The following ASAP1 variants were observed in gnomAD, a reference collection of about 807,000 sequenced individuals.
ASAP1 encodes the protein arf-GAP with SH3 domain, ANK repeat and PH domain-containing protein 1.
A neutral mutation model predicts 145.2 loss-of-function variants in ASAP1; 43 were observed. That is an observed-to-expected ratio of 0.30 (90% CI 0.23 to 0.38). The LOEUF is 0.38. ASAP1 is among the 10% of genes least tolerant of loss of function. The pLI, the probability that ASAP1 is intolerant of heterozygous loss-of-function variation, is 1.00. For missense variants in ASAP1, 1,018 were observed against 1,355.3 expected (o/e 0.75, Z 3.91); for synonymous variants, 546 against 515.5 (o/e 1.06, Z -0.80).
intron 3 of ASAP1, among the ~76,000 whole-genome samples, chr8:130,283,504 C>T (rs1821381567): frequency 6.8e-6 from 1 of 146,788 alleles, no homozygotes. Flanking sequence ...CACTTGAACC[C>T]AGGAGGCAGA....
chr8:130,180,382 C>T (rs1253046389), intron 8 of ASAP1, among the ~76,000 whole-genome samples: 1 of 152,152 alleles, frequency 6.6e-6, no homozygotes, highest in African/African-American at 2.4e-5. Context: ...TTTGAGTTTT[C>T]ATTCAAACTG....
At chr8:130,284,413 G>A (rs543503479) in intron 3 of ASAP1, among the ~76,000 whole-genome samples, 1 of 152,086 alleles carries the variant, frequency 6.6e-6, no homozygotes, top group Admixed American at 6.5e-5. Context: ...CCCCCATAAA[G>A]GCAAAAACGG....
At chr8:130,382,218 G>A (rs1258585300) in intron 2 of ASAP1, among the ~76,000 whole-genome samples, 4 of 149,606 alleles carry the variant, frequency 2.7e-5, no homozygotes, top group African/African-American at 7.4e-5. Flanking sequence ...CCCAGGAGGC[G>A]GAGCTTGCAG....
chr8:130,072,919 A>C, intron 27 of ASAP1, among the ~76,000 whole-genome samples: 1 of 150,450 alleles, frequency 6.6e-6, no homozygotes, highest in Non-Finnish European at 1.5e-5. Flanking sequence ...ATTCGAGGAC[A>C]CCCAACTGGT....
chr8:130,250,893 G>T (rs938054508), intron 3 of ASAP1, among the ~76,000 whole-genome samples: 4 of 152,098 alleles, frequency 2.6e-5, no homozygotes, highest in African/African-American at 7.2e-5. Flanking sequence ...GGTAAATTTG[G>T]AAAATACTAC....
intron 15 of ASAP1, among the ~76,000 whole-genome samples, chr8:130,130,041 C>G (rs1264132523): frequency 6.6e-6 from 1 of 152,184 alleles, no homozygotes; most frequent in Non-Finnish European, 1.5e-5. Context: ...GACTGCAAAG[C>G]CTCTATTTCG....
rs142451959 is a variant in ASAP1, at chr8:130,120,263, T to C, written c.1608-1588A>G. Among the ~76,000 whole-genome samples the C allele has an allele frequency of 3.4e-3, 523 of 152,362 alleles. 5 individuals are homozygous for C. The highest frequency in any genetic ancestry group is 0.012 in the African/African-American group (503 of 41,592). Reference sequence around the variant, plus strand: ...CGGCCCAAGCCTGGCTTCTGAGGCCTCTGCTGCATGTGTCTTATATAAAGT... The same window carrying C: ...CGGCCCAAGCCTGGCTTCTGAGGCCCCTGCTGCATGTGTCTTATATAAAGT... On this transcript the variant is annotated intron_variant, in intron 18 of 29. Transcript: ENST00000518721.
intron 3 of ASAP1, among the ~76,000 whole-genome samples, chr8:130,286,850 G>A (rs752971974): frequency 5.9e-5 from 9 of 152,126 alleles, no homozygotes; most frequent in Non-Finnish European, 1.2e-4. Flanking sequence ...AGAAGCAAAA[G>A]TTCACACCCA....
Position 130,060,686 on chromosome 8 carries a change from T to A in ASAP1, c.3085A>T (p.Asn1029Tyr), listed in dbSNP as rs1196521645. ...LKSHPLDLSP[N>Y]VQSRDAIQKQ... is the part of the protein sequence containing the mutation. ...TGGATGGCGTCTCTGGACTGCACAT[T>A]TGGGGATAGATCCAATGGGTGTGAC... is the stretch of plus-strand genomic sequence containing the variant. The change falls in exon 28 of 30, where the codon AAT (asparagine) becomes TAT (tyrosine). Residue 1029 changes from asparagine to tyrosine, a missense_variant. This residue lies in a region of ASAP1 where 139 missense variants were observed against 131.0 expected (regional missense o/e 1.06). Coordinates refer to ENST00000518721, the MANE Select transcript of ASAP1 (RefSeq NM_018482.4). 6.2e-7 allele frequency: 1 copy of A among 1,614,088 alleles called. No individual in the cohort carries two copies. The highest frequency in any genetic ancestry group is 1.7e-5 in the Admixed American group (1 of 59,998).
At chr8:130,078,334 G>A (rs543807003) in intron 26 of ASAP1, among the ~76,000 whole-genome samples, 5 of 151,738 alleles carry the variant, frequency 3.3e-5, no homozygotes, top group South Asian at 4.2e-4. Context: ...TCTTGCTGTC[G>A]CCCCGGATGG....
chr8:130,403,477 C>G (rs35592532), intron 1 of ASAP1, among the ~76,000 whole-genome samples: 48,924 of 151,556 alleles, frequency 0.32, 8,679 homozygotes, highest in African/African-American at 0.46. Flanking sequence ...CATGTTCTGA[C>G]TCTTGTTCAC....
At position 130,095,823 on chromosome 8, in the gene ASAP1, T is replaced by C. The variant is rs2097516450; in HGVS notation, c.2402-3680A>G. 2.0e-5 allele frequency among the ~76,000 whole-genome samples: 3 copies of C among 152,126 alleles called. No homozygotes were observed. In the South Asian group the frequency reaches 6.2e-4, roughly 32 times the overall value. On this transcript the variant is annotated intron_variant, in intron 24 of 29. Transcript: ENST00000518721. The stretch of plus-strand genomic sequence containing the variant: ...TAGTAGAGATGGGGTTTCACCATGT[T>C]GGCCAGGCTGGTCTTGAACTCCTGA...
At chr8:130,318,882 C>G (rs1823831959) in intron 3 of ASAP1, among the ~76,000 whole-genome samples, 1 of 152,152 alleles carries the variant, frequency 6.6e-6, no homozygotes, top group Admixed American at 6.5e-5. Context: ...ATGGGGCCTT[C>G]AGCTGATGGT....
intron 3 of ASAP1, 111 bp from the exon 4 acceptor site, chr8:130,237,105 C>G (rs1818261050): frequency 2.8e-6 from 2 of 717,272 alleles, no homozygotes; most frequent in Admixed American, 3.0e-5. Context: ...AAAGCAACAG[C>G]AAACTGACAT....
intron 14 of ASAP1, among the ~76,000 whole-genome samples, chr8:130,136,070 G>C: frequency 6.6e-6 from 1 of 152,220 alleles, no homozygotes; most frequent in East Asian, 1.9e-4. Context: ...GATAGAGAAG[G>C]AAGGATACTT....
chr8:130,192,966 C>CA (rs988998648), intron 5 of ASAP1, among the ~76,000 whole-genome samples: 11 of 151,086 alleles, frequency 7.3e-5, no homozygotes, highest in African/African-American at 1.7e-4. Context: ...AAACAACAGC[C>CA]AAAAAAAACG....
At chr8:130,116,799 G>T in intron 21 of ASAP1, 54 bp from the exon 22 acceptor site, 1 of 1,591,058 alleles carries the variant, frequency 6.3e-7, no homozygotes, top group Non-Finnish European at 8.6e-7. Flanking sequence ...ACCTTAAGAA[G>T]GCAAGGAACA....
intron 24 of ASAP1, among the ~76,000 whole-genome samples, chr8:130,102,581 G>A (rs901454235): frequency 6.6e-6 from 1 of 152,152 alleles, no homozygotes; most frequent in Non-Finnish European, 1.5e-5. Flanking sequence ...TCCTTGTCTG[G>A]TTTTGGTATT....
intron 27 of ASAP1, among the ~76,000 whole-genome samples, chr8:130,073,126 G>C (rs547339080): frequency 6.6e-6 from 1 of 152,144 alleles, no homozygotes; most frequent in South Asian, 2.1e-4. Flanking sequence ...GTAGGAGATA[G>C]AAATGTGGAG....
Sources: gnomAD v4.1 joint callset for allele counts (sites outside exome capture counted in the v4.1 genomes callset) on GRCh38, gnomAD v4.1.1 for gene constraint, gnomAD v4.1.1 regional missense constraint, MANE v1.5 for transcripts, NCBI Gene and HGNC (gene_info 2026-07-23, HGNC 2026-07-21) for gene names.